PRKN: variants seen among roughly 807,000 people sequenced by gnomAD.
PRKN encodes the protein E3 ubiquitin-protein ligase parkin.
In PRKN, 56 loss-of-function variants were observed where a neutral mutation model predicts 59.5. The observed-to-expected ratio is 0.94, with a 90% CI of 0.76 to 1.18. The LOEUF is 1.18. Among genes scored for constraint, PRKN ranks in the 50% most tolerant of loss-of-function variants. The pLI, the probability that PRKN is intolerant of heterozygous loss-of-function variation, is 0.00. For missense variants in PRKN, 657 were observed against 596.4 expected (o/e 1.10, Z -1.06); for synonymous variants, 250 against 222.1 (o/e 1.13, Z -1.12).
chr6:161,921,006 T>C (rs1275827578), intron 6 of PRKN, among the ~76,000 whole-genome samples: 1 of 152,216 alleles, frequency 6.6e-6, no homozygotes, highest in Non-Finnish European at 1.5e-5. Context: ...TTACTGTAAC[T>C]TTCTGACTTT....
At chr6:161,540,450 A>C (rs1485447653) in intron 9 of PRKN, among the ~76,000 whole-genome samples, 1 of 152,218 alleles carries the variant, frequency 6.6e-6, no homozygotes, top group Non-Finnish European at 1.5e-5. Flanking sequence ...TTAGAAAGAA[A>C]AAGATTTTAC....
intron 9 of PRKN, among the ~76,000 whole-genome samples, chr6:161,455,857 G>A (rs1406448470): frequency 6.3e-4 from 81 of 128,708 alleles, no homozygotes; most frequent in Admixed American, 4.6e-3. Flanking sequence ...GCAAGACTCC[G>A]TCTCAAAAAA....
At chr6:161,839,116 CACAA>C (rs1356283794) in intron 6 of PRKN, among the ~76,000 whole-genome samples, 1 of 152,048 alleles carries the variant, frequency 6.6e-6, no homozygotes, top group Non-Finnish European at 1.5e-5. Context: ...GTGACAGAGC[CACAA>C]ACAGAGCTCT....
intron 2 of PRKN, among the ~76,000 whole-genome samples, chr6:162,335,294 G>A (rs779268160): frequency 7.2e-5 from 11 of 151,730 alleles, no homozygotes; most frequent in Non-Finnish European, 1.2e-4. Flanking sequence ...TGCCTGCCTC[G>A]GCCTCCCAAA....
chr6:162,415,277 A>T (rs139810854), intron 2 of PRKN, among the ~76,000 whole-genome samples: 13 of 152,264 alleles, frequency 8.5e-5, no homozygotes, highest in African/African-American at 1.7e-4. Flanking sequence ...GTGTCACACC[A>T]CTTTGTTTAA....
chr6:161,839,197 G>C (rs1792883061), intron 6 of PRKN, among the ~76,000 whole-genome samples: 1 of 152,152 alleles, frequency 6.6e-6, no homozygotes, highest in South Asian at 2.1e-4. Flanking sequence ...CAGTGAGAAA[G>C]ATTGTACTGG....
At chr6:161,653,717 T>A (rs1201091123) in intron 7 of PRKN, among the ~76,000 whole-genome samples, 2 of 152,236 alleles carry the variant, frequency 1.3e-5, no homozygotes, top group Non-Finnish European at 2.9e-5. Context: ...GATTAAGGTC[T>A]GATGTATCTG....
intron 7 of PRKN, among the ~76,000 whole-genome samples, chr6:161,616,142 C>T (rs1034851658): frequency 2.4e-4 from 36 of 152,164 alleles, no homozygotes; most frequent in African/African-American, 8.0e-4. Context: ...AACTCCCTGT[C>T]CTGCTCTGTT....
chr6:162,011,470 T>A lies in PRKN; in HGVS notation c.619-38053A>T, dbSNP rs1206400463. ...ATAATATATAATATATATATTATAA[T>A]ATATAATATATTATAATATATATAA... On this transcript the variant is annotated intron_variant, in intron 5 of 11. Transcript: ENST00000366898. 2.6e-3 allele frequency among the ~76,000 whole-genome samples: 40 copies of A among 15,310 alleles called. 10 individuals are homozygous for A. The highest frequency in any genetic ancestry group is 3.1e-3 in the Non-Finnish European group (30 of 9,816). 10.0% of individuals were successfully genotyped at this position (15,310 alleles called of 152,430 possible).
intron 5 of PRKN, among the ~76,000 whole-genome samples, chr6:161,990,351 C>T (rs1486707738): frequency 4.0e-5 from 6 of 151,808 alleles, no homozygotes; most frequent in Non-Finnish European, 8.8e-5. Context: ...GCCAAGGTGA[C>T]CTACCAAAGC....
chr6:162,691,805 T>C (rs1777784175), intron 1 of PRKN, among the ~76,000 whole-genome samples: 1 of 152,144 alleles, frequency 6.6e-6, no homozygotes, highest in South Asian at 2.1e-4. Flanking sequence ...ACATGATTCA[T>C]TGGTTAGAAA....
intron 1 of PRKN, among the ~76,000 whole-genome samples, chr6:162,487,078 A>G (rs1170361257): frequency 6.6e-6 from 1 of 152,146 alleles, no homozygotes; most frequent in Non-Finnish European, 1.5e-5. Context: ...CTCAAAAAAA[A>G]AGAAAAGAAA....
chr6:162,520,018 G>A (rs1778022380), intron 1 of PRKN, among the ~76,000 whole-genome samples: 1 of 152,262 alleles, frequency 6.6e-6, no homozygotes, highest in East Asian at 1.9e-4. Flanking sequence ...GGAAGGCCAA[G>A]GCAGGAGGAC....
intron 6 of PRKN, among the ~76,000 whole-genome samples, chr6:161,877,835 G>A (rs1309093629): frequency 6.6e-6 from 1 of 152,122 alleles, no homozygotes; most frequent in African/African-American, 2.4e-5. Flanking sequence ...CCCCCTGGCA[G>A]TTGCTAGGAT....
chr6:161,859,580 C>T (rs569818735), intron 6 of PRKN, among the ~76,000 whole-genome samples: 13 of 139,902 alleles, frequency 9.3e-5, no homozygotes, highest in African/African-American at 2.9e-4. Context: ...CAGTGTACTC[C>T]AGCCTGGGTG....
At chr6:161,478,212 C>T (rs9456676) in intron 9 of PRKN, among the ~76,000 whole-genome samples, 31,028 of 152,048 alleles carry the variant, frequency 0.2, 3,676 homozygotes, top group African/African-American at 0.33. Context: ...TCCTGAACAA[C>T]GGGCATAAAG....
chr6:162,694,586 C>CAGGATT (rs1777903621), intron 1 of PRKN: 1 of 152,162 alleles, frequency 6.6e-6, no homozygotes, highest in East Asian at 1.9e-4. Context: ...TGGAAGAATT[C>CAGGATT]AGTCACCTGT....
At chr6:161,540,425 A>T (rs534835502) in intron 9 of PRKN, among the ~76,000 whole-genome samples, 1 of 152,248 alleles carries the variant, frequency 6.6e-6, no homozygotes, top group South Asian at 2.1e-4. Context: ...ATAAAAATAT[A>T]TATCAATGGC....
At chr6:162,050,553 A>AAC (rs1420123385) in intron 5 of PRKN, among the ~76,000 whole-genome samples, 3 of 151,332 alleles carry the variant, frequency 2.0e-5, no homozygotes, top group Non-Finnish European at 4.4e-5. Context: ...ATGTAGGTTC[A>AAC]CCTCTAACTT....
Sources: allele counts gnomAD v4.1 joint callset (sites outside exome capture counted in the v4.1 genomes callset), GRCh38; gene constraint gnomAD v4.1.1; transcripts MANE v1.5; gene names NCBI Gene and HGNC (gene_info 2026-07-23, HGNC 2026-07-21).